The following DGKB variants were observed in gnomAD, a reference collection of about 807,000 sequenced individuals.
DGKB encodes the protein diacylglycerol kinase beta.
A neutral mutation model predicts 114.3 loss-of-function variants in DGKB; 67 were observed. The observed-to-expected ratio is 0.59, with a 90% CI of 0.48 to 0.72. The LOEUF is 0.72. DGKB is among the 30% of genes least tolerant of loss of function. The pLI, the probability that DGKB is intolerant of heterozygous loss-of-function variation, is 0.00. For synonymous variants in DGKB, 398 were observed against 323.1 expected (o/e 1.23, Z -2.49); for missense variants, 907 against 975.2 (o/e 0.93, Z 0.93).
At chr7:14,888,632 AATAAAAG>A (rs1780693484) in intron 1 of DGKB, among the ~76,000 whole-genome samples, 2 of 151,770 alleles carry the variant, frequency 1.3e-5, no homozygotes, top group Non-Finnish European at 2.9e-5. Flanking sequence ...CTGGAATACC[AATAAAAG>A]ACTGAGCAAT....
intron 20 of DGKB, among the ~76,000 whole-genome samples, chr7:14,525,699 T>C (rs922020309): frequency 6.6e-6 from 1 of 151,654 alleles, no homozygotes; most frequent in African/African-American, 2.4e-5. Context: ...TGATGCCAGT[T>C]ACATTGACAA....
chr7:14,466,954 G>C (rs1381224285), intron 21 of DGKB, among the ~76,000 whole-genome samples: 1 of 152,132 alleles, frequency 6.6e-6, no homozygotes, highest in Non-Finnish European at 1.5e-5. Context: ...ATGTGGAGCT[G>C]TGCTTGTCAA....
intron 13 of DGKB, among the ~76,000 whole-genome samples, chr7:14,635,362 G>C (rs1367904190): frequency 1.3e-5 from 2 of 151,338 alleles, no homozygotes; most frequent in Non-Finnish European, 3.0e-5. Context: ...AGACACAGAA[G>C]AAATTATGGA....
chr7:14,178,333 A>T (rs1325725640), intron 23 of DGKB, among the ~76,000 whole-genome samples, 182 bp from the exon 24 acceptor site: 1 of 150,802 alleles, frequency 6.6e-6, no homozygotes, highest in Non-Finnish European at 1.5e-5. Context: ...CTAAACCTTG[A>T]GGTTCTGTGG....
At chr7:14,595,529 T>C (rs62445563) in intron 17 of DGKB, among the ~76,000 whole-genome samples, 6,035 of 105,930 alleles carry the variant, frequency 0.057, 168 homozygotes, top group African/African-American at 0.14. Flanking sequence ...TTTATAAAAA[T>C]TGAGGCCCCC....
intron 2 of DGKB, among the ~76,000 whole-genome samples, chr7:14,831,091 A>G (rs1846354916): frequency 6.6e-6 from 1 of 151,946 alleles, no homozygotes; most frequent in African/African-American, 2.4e-5. Context: ...AAGTGAGTAA[A>G]TCTCCTACTT....
At chr7:14,280,950 A>G (rs900165909) in intron 23 of DGKB, among the ~76,000 whole-genome samples, 1 of 151,892 alleles carries the variant, frequency 6.6e-6, no homozygotes, top group Non-Finnish European at 1.5e-5. Flanking sequence ...AAACTGCATC[A>G]ACTAACGAGC....
At chr7:14,249,338 A>G (rs150572492) in intron 23 of DGKB, among the ~76,000 whole-genome samples, 1 of 152,266 alleles carries the variant, frequency 6.6e-6, no homozygotes, top group East Asian at 1.9e-4. Context: ...CTTTGTTGTC[A>G]GTGTAATCCT....
At chr7:14,672,695 T>C (rs1406011783) in intron 13 of DGKB, among the ~76,000 whole-genome samples, 1 of 152,124 alleles carries the variant, frequency 6.6e-6, no homozygotes, top group Non-Finnish European at 1.5e-5. Context: ...GACTAAGTGA[T>C]AAAACCTGAG....
intron 1 of DGKB, among the ~76,000 whole-genome samples, chr7:14,967,702 T>C (rs1320835099): frequency 1.3e-5 from 2 of 151,760 alleles, no homozygotes; most frequent in East Asian, 3.9e-4. Flanking sequence ...AACAAAACTT[T>C]ATTTTTTTTG....
intron 23 of DGKB, among the ~76,000 whole-genome samples, chr7:14,317,087 C>T (rs367706308): frequency 0.062 from 4,306 of 68,930 alleles, 592 homozygotes; most frequent in African/African-American, 0.29. Context: ...TTCAACAACC[C>T]TTCATGCTAA....
intron 1 of DGKB, among the ~76,000 whole-genome samples, chr7:14,927,371 G>C (rs2128249413): frequency 6.6e-6 from 1 of 151,560 alleles, no homozygotes; most frequent in East Asian, 1.9e-4. Flanking sequence ...TTTTTTGTTT[G>C]TTTGCTTTCT....
intron 23 of DGKB, among the ~76,000 whole-genome samples, chr7:14,323,134 G>A (rs922251312): frequency 5.9e-5 from 9 of 151,968 alleles, no homozygotes; most frequent in South Asian, 2.1e-4. Context: ...AAAAAGCTGC[G>A]TACTCATAAA....
chr7:14,453,446 A>G (rs921181108), intron 21 of DGKB, among the ~76,000 whole-genome samples: 2 of 152,182 alleles, frequency 1.3e-5, no homozygotes, highest in African/African-American at 4.8e-5. Flanking sequence ...GTTCTGGACT[A>G]GAAAGCATTA....
chr7:14,765,830 T>G lies in DGKB; in HGVS notation c.71-8099A>C, dbSNP rs10232641. Among the ~76,000 whole-genome samples, 585 of 152,082 alleles carry G rather than the reference T, an allele frequency of 3.8e-3. 3 individuals carry two copies. Among genetic ancestry groups the G allele is most frequent in the African/African-American group, 0.014 (569 of 41,546 alleles). On this transcript the variant is annotated intron_variant, in intron 2 of 25. Coordinates refer to ENST00000402815, the MANE Select transcript of DGKB (RefSeq NM_001350709.2). Reference sequence around the variant, plus strand: ...TTAAGAGATACTATTAGGGACAGAATTGACTGGTGTGGACCAATAGTGTGC... The same window carrying G: ...TTAAGAGATACTATTAGGGACAGAAGTGACTGGTGTGGACCAATAGTGTGC...
chr7:14,788,670 T>C (rs1356930381), intron 2 of DGKB, among the ~76,000 whole-genome samples: 1 of 152,088 alleles, frequency 6.6e-6, no homozygotes, highest in African/African-American at 2.4e-5. Flanking sequence ...GCCTCTTACT[T>C]CCCCTGGAAA....
At chr7:14,173,708 C>G (rs1330418928) in intron 25 of DGKB, among the ~76,000 whole-genome samples, 2 of 152,110 alleles carry the variant, frequency 1.3e-5, no homozygotes, top group Non-Finnish European at 2.9e-5. Context: ...GCTATGAATA[C>G]TAAATATTCT....
At position 14,753,958 on chromosome 7, in the gene DGKB, C is replaced by T; in HGVS notation, c.148-10G>A. The T allele has an allele frequency of 6.6e-7, 1 of 1,508,734 alleles. No homozygotes were observed. The highest frequency in any genetic ancestry group is 9.1e-7 in the Non-Finnish European group (1 of 1,101,284). The allele number at this position is 1,508,734 out of a possible 1,614,324, so 93.5% of individuals were successfully genotyped here. On this transcript the variant is annotated splice_polypyrimidine_tract_variant and intron_variant, in intron 3 of 25. Coordinates refer to ENST00000402815, the MANE Select transcript of DGKB (RefSeq NM_001350709.2). The stretch of plus-strand genomic sequence containing the variant: ...TAAGAATGTCTTGTTTCTGTGCATG[C>T]AAGGAAAGAAAGAATACATGTGTTA...
intron 20 of DGKB, among the ~76,000 whole-genome samples, chr7:14,533,207 T>C (rs1318764551): frequency 6.6e-6 from 1 of 151,674 alleles, no homozygotes; most frequent in African/African-American, 2.4e-5. Context: ...AAGAAGACAA[T>C]AAGTCAACTA....
Sources: allele counts gnomAD v4.1 joint callset (sites outside exome capture counted in the v4.1 genomes callset), GRCh38; gene constraint gnomAD v4.1.1; transcripts MANE v1.5; gene names NCBI Gene and HGNC (gene_info 2026-07-23, HGNC 2026-07-21).